The following KPNA7 variants were observed in gnomAD, a reference collection of about 807,000 sequenced individuals.
KPNA7 encodes the protein karyopherin subunit alpha 7.
Under a neutral mutation model 53.7 loss-of-function variants are expected in KPNA7, and 54 were observed. The observed-to-expected ratio is 1.01, with a 90% CI of 0.81 to 1.26. The LOEUF is 1.26. KPNA7 is among the 50% of genes most tolerant of loss of function. The pLI, the probability that KPNA7 is intolerant of heterozygous loss-of-function variation, is 0.00. For synonymous variants in KPNA7, 276 were observed against 259.3 expected (o/e 1.06, Z -0.62); for missense variants, 640 against 644.5 (o/e 0.99, Z 0.07).
chr7:99,214,995 T>A (rs960214315), intron 1 of KPNA7, among the ~76,000 whole-genome samples: 1 of 152,054 alleles, frequency 6.6e-6, no homozygotes, highest in African/African-American at 2.4e-5. Context: ...GCTGCAATCC[T>A]GCCTCTGGGA....
chr7:99,179,575 A>G (rs1799070366), intron 9 of KPNA7, among the ~76,000 whole-genome samples: 2 of 150,396 alleles, frequency 1.3e-5, no homozygotes, highest in African/African-American at 4.9e-5. Context: ...ATATATATTT[A>G]TATTATTTAT....
At chr7:99,212,329 C>T (rs1182186373), upstream of KPNA7, among the ~76,000 whole-genome samples, 4 of 150,210 alleles carry the variant, frequency 2.7e-5, no homozygotes, top group Admixed American at 2.7e-4. Flanking sequence ...ACTGCAACCT[C>T]CACCTCTCGG....
chr7:99,187,811 A>ATTT (rs1789691522), intron 7 of KPNA7, among the ~76,000 whole-genome samples: 3 of 125,866 alleles, frequency 2.4e-5, no homozygotes, highest in Non-Finnish European at 5.1e-5. Context: ...AAAAAAAAAA[A>ATTT]AAAAAAAAAA....
At chr7:99,189,514 C>T (rs577640558) in intron 6 of KPNA7, among the ~76,000 whole-genome samples, 2 of 152,238 alleles carry the variant, frequency 1.3e-5, no homozygotes, top group East Asian at 3.9e-4. Flanking sequence ...ACTGTCAGCC[C>T]CTCCCCTTCT....
chr7:99,172,967 C>G (rs1282317003), downstream of KPNA7, among the ~76,000 whole-genome samples: 3 of 140,426 alleles, frequency 2.1e-5, no homozygotes, highest in East Asian at 6.5e-4. Context: ...GCAGGAGAGG[C>G]AGGAAAATCA....
rs1790870945 is a variant in KPNA7, at chr7:99,207,447, G to A, written c.20C>T (p.Pro7Leu). The A allele has an allele frequency of 5.2e-6, 8 of 1,551,136 alleles. No individual in the cohort carries two copies. The highest frequency in any genetic ancestry group is 7.0e-6 in the Non-Finnish European group (8 of 1,146,890). Reference protein sequence around the residue: MPTLDAPEERRRKFKYR... With the variant: MPTLDALEERRRKFKYR... Reference sequence around the variant, plus strand: ...CTTAAATTTTCTCCGCCTCTCTTCTGGAGCATCTAAGGTCGGCATATTGAC... The same window carrying A: ...CTTAAATTTTCTCCGCCTCTCTTCTAGAGCATCTAAGGTCGGCATATTGAC... Residue 7 changes from proline (P) to leucine (L), a missense_variant, in exon 2 of 11, where the codon CCA (proline) becomes CTA (leucine). Transcript: ENST00000327442.
intron 8 of KPNA7, 146 bp from the exon 9 acceptor site, chr7:99,182,211 C>CTT (rs1470998303): frequency 1.5e-5 from 9 of 585,364 alleles, no homozygotes; most frequent in African/African-American, 1.5e-4. Context: ...CTGCCTCTAG[C>CTT]TCTTTCTTTC....
the KPNA7 span, among the ~76,000 whole-genome samples, chr7:99,158,006 G>A: frequency 1.3e-5 from 2 of 151,812 alleles, no homozygotes; most frequent in Admixed American, 6.6e-5. Context: ...TGAACTCCTG[G>A]CCTCCTGAGT....
chr7:99,196,617 T>C (rs947334401), intron 3 of KPNA7, among the ~76,000 whole-genome samples: 4 of 152,190 alleles, frequency 2.6e-5, no homozygotes, highest in African/African-American at 9.6e-5. Flanking sequence ...TGAATCTCAG[T>C]AAGTAGCATG....
chr7:99,218,274 G>C (rs1285071066), intron 1 of KPNA7, among the ~76,000 whole-genome samples: 1 of 152,124 alleles, frequency 6.6e-6, no homozygotes, highest in Admixed American at 6.6e-5. Context: ...GGTGCACACT[G>C]CCATACCTGG....
chr7:99,211,066 C>A (rs1462219090), upstream of KPNA7, among the ~76,000 whole-genome samples: 1 of 152,070 alleles, frequency 6.6e-6, no homozygotes, highest in African/African-American at 2.4e-5. Flanking sequence ...GTAGAAAAGA[C>A]TAATTCAGAC....
intron 10 of KPNA7, among the ~76,000 whole-genome samples, chr7:99,176,888 A>C (rs1191682849): frequency 2.0e-5 from 3 of 151,386 alleles, no homozygotes. Flanking sequence ...CTTTACAAAC[A>C]AAAAAAAATT....
chr7:99,194,335 T>A (rs371021893), intron 5 of KPNA7, among the ~76,000 whole-genome samples: 3 of 151,286 alleles, frequency 2.0e-5, no homozygotes, highest in African/African-American at 7.3e-5. Context: ...AACCAAGGAG[T>A]TTTTTTTTGT....
downstream of KPNA7, among the ~76,000 whole-genome samples, chr7:99,172,096 ACAT>A (rs1430772200): frequency 6.6e-6 from 1 of 152,254 alleles, no homozygotes; most frequent in Non-Finnish European, 1.5e-5. Flanking sequence ...AATATAATTT[ACAT>A]CATTATGATA....
the KPNA7 span, among the ~76,000 whole-genome samples, chr7:99,157,312 C>T: frequency 6.0e-4 from 91 of 152,238 alleles, 2 homozygotes; most frequent in Admixed American, 5.8e-3. Flanking sequence ...CAGGTTCAAG[C>T]GATTCTCCTG....
the KPNA7 span, among the ~76,000 whole-genome samples, chr7:99,146,626 C>A: frequency 7.0e-6 from 1 of 142,756 alleles, no homozygotes; most frequent in Non-Finnish European, 1.5e-5. Flanking sequence ...GCACAAAAAT[C>A]ACTTAAACTC....
intron 9 of KPNA7, among the ~76,000 whole-genome samples, chr7:99,178,498 G>A (rs1391062329): frequency 6.6e-6 from 1 of 151,992 alleles, no homozygotes; most frequent in African/African-American, 2.4e-5. Flanking sequence ...GAACCAGGAG[G>A]CAGAGGTTGC....
At chr7:99,178,746 G>T (rs1452086158) in intron 9 of KPNA7, among the ~76,000 whole-genome samples, 1 of 118,832 alleles carries the variant, frequency 8.4e-6, no homozygotes, top group Non-Finnish European at 1.6e-5. Context: ...ATGAGCCACT[G>T]CATTTGGCCC....
intron 8 of KPNA7, among the ~76,000 whole-genome samples, chr7:99,183,909 G>A (rs766106924): frequency 1.8e-4 from 28 of 151,982 alleles, no homozygotes; most frequent in East Asian, 3.9e-4. Context: ...ATAGTGGCAT[G>A]ATCGTGGCTC....
Sources: allele counts gnomAD v4.1 joint callset (sites outside exome capture counted in the v4.1 genomes callset), GRCh38; gene constraint gnomAD v4.1.1; transcripts MANE v1.5; gene names NCBI Gene and HGNC (gene_info 2026-07-23, HGNC 2026-07-21).